Variants in TSHZ2 observed in about 807,000 individuals in gnomAD.
TSHZ2 encodes the protein teashirt homolog 2.
TSHZ2 carries 21 observed loss-of-function variants against 74.4 expected under a neutral mutation model. The observed-to-expected ratio is 0.28, with a 90% CI of 0.20 to 0.41. The LOEUF is 0.41. Ranked by LOEUF, TSHZ2 falls within the 10% of genes least tolerant of loss-of-function variation. The pLI, the probability that TSHZ2 is intolerant of heterozygous loss-of-function variation, is 1.00. For synonymous variants in TSHZ2, 540 were observed against 515.3 expected, an observed-to-expected ratio of 1.05 and a Z score of -0.65; for missense variants, 1,244 against 1,293.5, an observed-to-expected ratio of 0.96 and a Z score of 0.59.
At chr20:53,190,342 C>A (rs998013939) in intron 1 of TSHZ2, among the ~76,000 whole-genome samples, 1 of 151,152 alleles carries the variant, frequency 6.6e-6, no homozygotes, top group African/African-American at 2.4e-5. Flanking sequence ...CCACTTGAAC[C>A]ACACAGCCCC....
chr20:53,165,729 A>G (rs1988048665), intron 1 of TSHZ2, among the ~76,000 whole-genome samples: 1 of 152,240 alleles, frequency 6.6e-6, no homozygotes, highest in Non-Finnish European at 1.5e-5. Flanking sequence ...TTTGTGTCTC[A>G]GATCCATTTC....
At chr20:53,263,860 C>T (rs935179938) in intron 2 of TSHZ2, among the ~76,000 whole-genome samples, 10 of 152,146 alleles carry the variant, frequency 6.6e-5, no homozygotes, top group African/African-American at 2.4e-4. Flanking sequence ...CTGAAGATTT[C>T]GTCAAGTTGC....
chr20:53,466,045 G>C (rs574819564), intron 2 of TSHZ2, among the ~76,000 whole-genome samples: 2 of 151,058 alleles, frequency 1.3e-5, no homozygotes, highest in East Asian at 3.9e-4. Flanking sequence ...TCAGGAGTTC[G>C]AGACTAGCCT....
intron 2 of TSHZ2, among the ~76,000 whole-genome samples, chr20:53,382,894 C>T (rs1365843046): frequency 6.6e-6 from 1 of 152,030 alleles, no homozygotes; most frequent in South Asian, 2.1e-4. Flanking sequence ...CACTGCTCCT[C>T]TCTGCGTGTT....
intron 1 of TSHZ2, among the ~76,000 whole-genome samples, chr20:53,071,635 C>G (rs1323678180): frequency 2.6e-5 from 4 of 152,144 alleles, no homozygotes; most frequent in African/African-American, 4.8e-5. Flanking sequence ...ATCTCACGGA[C>G]CTACGTGTTC....
At chr20:53,296,405 G>T (rs1991381627) in intron 2 of TSHZ2, among the ~76,000 whole-genome samples, 1 of 152,152 alleles carries the variant, frequency 6.6e-6, no homozygotes, top group South Asian at 2.1e-4. Flanking sequence ...CATTCAATAT[G>T]CTGGCAATTT....
intron 2 of TSHZ2, among the ~76,000 whole-genome samples, chr20:53,450,714 G>A (rs191042868): frequency 7.9e-5 from 12 of 152,190 alleles, no homozygotes; most frequent in African/African-American, 2.4e-4. Context: ...TTGAGACAAG[G>A]TCTCCCCATG....
At chr20:53,000,125 A>G (rs1982357615) in intron 1 of TSHZ2, among the ~76,000 whole-genome samples, 1 of 152,228 alleles carries the variant, frequency 6.6e-6, no homozygotes, top group African/African-American at 2.4e-5. Context: ...TAAGTATCAG[A>G]TATATGTTTC....
At chr20:53,448,038 C>T (rs1307857790) in intron 2 of TSHZ2, among the ~76,000 whole-genome samples, 9 of 152,048 alleles carry the variant, frequency 5.9e-5, no homozygotes, top group Middle Eastern at 3.4e-3. Context: ...CTCAGCCTCC[C>T]GAGTAGCTGG....
intron 1 of TSHZ2, among the ~76,000 whole-genome samples, chr20:53,092,146 A>G (rs1251534344): frequency 6.6e-6 from 1 of 152,002 alleles, no homozygotes; most frequent in Non-Finnish European, 1.5e-5. Flanking sequence ...CACACTCACA[A>G]TATCGTTTCC....
At chr20:53,148,879 C>CT (rs1316168391) in intron 1 of TSHZ2, among the ~76,000 whole-genome samples, 1 of 152,112 alleles carries the variant, frequency 6.6e-6, no homozygotes, top group Admixed American at 6.5e-5. Flanking sequence ...GGTTGACTCA[C>CT]TTTTTTTCAG....
At chr20:53,291,893 A>G (rs1991284744) in intron 2 of TSHZ2, among the ~76,000 whole-genome samples, 1 of 152,086 alleles carries the variant, frequency 6.6e-6, no homozygotes, top group Non-Finnish European at 1.5e-5. Flanking sequence ...CCTTCCTTCC[A>G]GTCAAGTTAT....
intron 1 of TSHZ2, among the ~76,000 whole-genome samples, chr20:53,169,341 T>A (rs1220201801): frequency 2.0e-5 from 3 of 152,208 alleles, no homozygotes; most frequent in South Asian, 2.1e-4. Flanking sequence ...CCTCTCAACG[T>A]CATTGCTCCA....
intron 1 of TSHZ2, among the ~76,000 whole-genome samples, chr20:53,001,407 A>G (rs1982437478): frequency 1.3e-5 from 2 of 152,172 alleles, no homozygotes; most frequent in Non-Finnish European, 2.9e-5. Context: ...GTCAAAATGT[A>G]TATCAAGGAA....
chr20:53,468,496 A>G (rs1441496807), intron 2 of TSHZ2, among the ~76,000 whole-genome samples: 1 of 152,064 alleles, frequency 6.6e-6, no homozygotes, highest in Non-Finnish European at 1.5e-5. Context: ...GTTCTCCAAG[A>G]TATCGCCCTG....
intron 1 of TSHZ2, among the ~76,000 whole-genome samples, chr20:53,189,480 T>G (rs1323044698): frequency 1.3e-5 from 2 of 152,198 alleles, no homozygotes; most frequent in Non-Finnish European, 2.9e-5. Flanking sequence ...TAATGGTACC[T>G]CACATGGTTG....
At chr20:53,087,307 G>T (rs192378141) in intron 1 of TSHZ2, among the ~76,000 whole-genome samples, 1 of 152,170 alleles carries the variant, frequency 6.6e-6, no homozygotes, top group Non-Finnish European at 1.5e-5. Flanking sequence ...TCACGTTTCC[G>T]TTACTGTAGA....
chr20:53,488,923 T>C lies in TSHZ2; in HGVS notation c.*1788T>C, dbSNP rs1986369024. 1 of 449,730 alleles carries C rather than the reference T, an allele frequency of 2.2e-6. No individual in the cohort carries two copies. Among genetic ancestry groups the C allele is most frequent in the East Asian group, 7.0e-5 (1 of 14,256 alleles). 27.9% of individuals were successfully genotyped at this position (449,730 alleles called of 1,614,324 possible). On this transcript the variant is annotated 3_prime_UTR_variant, in exon 3 of 3. Coordinates refer to ENST00000371497, the MANE Select transcript of TSHZ2 (RefSeq NM_173485.6). ...ATAGCAAATTGCTTTTTTTATGGCA[T>C]GCATAACCTAGATGGGAAAAAATAT...
intron 2 of TSHZ2, among the ~76,000 whole-genome samples, chr20:53,451,272 A>G (rs1187877818): frequency 6.6e-6 from 1 of 152,208 alleles, no homozygotes; most frequent in South Asian, 2.1e-4. Context: ...TGATTAAAAC[A>G]CCTACTCATG....
Sources: allele counts gnomAD v4.1 joint callset (sites outside exome capture counted in the v4.1 genomes callset), GRCh38; gene constraint gnomAD v4.1.1; transcripts MANE v1.5; gene names NCBI Gene and HGNC (gene_info 2026-07-23, HGNC 2026-07-21).